Variants in ZNF195 observed in about 807,000 individuals in gnomAD.
ZNF195 encodes the protein zinc finger protein 195.
Under a neutral mutation model 19.5 loss-of-function variants are expected in ZNF195, and 11 were observed. The ratio of observed to expected loss-of-function variants is 0.57; its 90% CI spans 0.36 to 0.94. ZNF195 has a LOEUF of 0.94. Among genes scored for constraint, ZNF195 ranks in the 40% least tolerant of loss-of-function variants. ZNF195 has a pLI of 0.01. For synonymous variants in ZNF195, 214 were observed against 248.1 expected (o/e 0.86, Z 1.29); for missense variants, 582 against 709.0 (o/e 0.82, Z 2.03).
intron 1 of ZNF195, chr11:3,377,645 T>C (rs755859264): frequency 8.0e-7 from 1 of 1,246,730 alleles, no homozygotes. Context: ...GACCAGGAGA[T>C]TTCTCTCAGC....
At chr11:3,361,960 G>A (rs1485982316) in intron 3 of ZNF195, 71 bp from the exon 4 acceptor site, 2 of 422,344 alleles carry the variant, frequency 4.7e-6, no homozygotes, top group East Asian at 1.5e-4. Flanking sequence ...TCAGAAGGCT[G>A]GAGTGGGAGA....
rs376410431 is a variant in ZNF195, at chr11:3,359,909, A to G, written c.1099T>C (p.Ser367Pro). The G allele has an allele frequency of 1.4e-5, 22 of 1,614,102 alleles. No individual in the cohort carries two copies. The highest frequency in any genetic ancestry group is 1.8e-5 in the Non-Finnish European group (21 of 1,180,036). ...EECSSVFISCSSLSNQQMILA... is the reference protein window; with the variant it reads ...EECSSVFISCPSLSNQQMILA... ...ATCATCTGTTGATTAGAAAGGCTTGAGCAAGAGATAAAGACACTGCTGCAC... is the reference window on the plus strand; with the variant it reads ...ATCATCTGTTGATTAGAAAGGCTTGGGCAAGAGATAAAGACACTGCTGCAC... Residue 367 changes from serine (S) to proline (P), a missense_variant, in exon 6 of 6, where the codon TCA becomes CCA. Physicochemically the swap from Ser to Pro is moderately conservative, Grantham distance 74. Around this residue, in one of 3 missense-constraint regions of ZNF195, gnomAD observed 407 missense variants for 530.5 expected, o/e 0.77. Transcript: ENST00000399602. This position sits in a 1 kb window ranked among gnomAD's most constrained non-coding sequence, Gnocchi z 5.5.
At chr11:3,370,299 A>C (rs1377889634) in intron 3 of ZNF195, among the ~76,000 whole-genome samples, 1 of 152,206 alleles carries the variant, frequency 6.6e-6, no homozygotes, top group Non-Finnish European at 1.5e-5. Flanking sequence ...AAAAAGAAGA[A>C]ATTATAAAAT....
intron 1 of ZNF195, 119 bp downstream of exon 1, chr11:3,378,919 G>A: frequency 8.3e-7 from 1 of 1,209,924 alleles, no homozygotes; most frequent in Non-Finnish European, 1.1e-6. Flanking sequence ...TGCAGCTGGA[G>A]GGGCCTCGGG....
rs777187713 is a variant in ZNF195, at chr11:3,359,225, C to T, written c.1783G>A (p.Val595Ile). 1 of 1,614,022 alleles carries T rather than the reference C, an allele frequency of 6.2e-7. No individual in the cohort carries two copies. The highest frequency in any genetic ancestry group is 1.1e-5 in the South Asian group (1 of 91,060). Residue 595 changes from valine to isoleucine, a missense_variant, in exon 6 of 6, where the codon GTA becomes ATA. Val to Ile is a conservative substitution (Grantham distance 29). Transcript: ENST00000399602. The surrounding 1 kb of genome is among the most constrained non-coding windows in gnomAD (Gnocchi z 5.5). ...TCTCCAGTATGAATTCTCTTATGTA[C>T]AATAAGGTTTGAGGACTGGGTAAAG... ...KNFTQSSNLI[V>I]HKRIHTGEKP...
intron 3 of ZNF195, among the ~76,000 whole-genome samples, chr11:3,368,057 CAA>C (rs1464233823): frequency 1.4e-5 from 2 of 147,566 alleles, no homozygotes; most frequent in African/African-American, 5.1e-5. Flanking sequence ...GCCTGGGTAA[CAA>C]GAGCAAAACT....
chr11:3,371,943 A>T (rs1376120757), intron 1 of ZNF195, among the ~76,000 whole-genome samples: 1 of 152,238 alleles, frequency 6.6e-6, no homozygotes, highest in Non-Finnish European at 1.5e-5. Flanking sequence ...AGGCATGTCC[A>T]TTTTTGAGTG....
At position 3,361,875 on chromosome 11, in the gene ZNF195, G is replaced by A. The variant is rs1042325680; in HGVS notation, c.241C>T (p.His81Tyr). The change falls in exon 4 of 6, where the codon CAT (histidine) becomes TAT (tyrosine). Residue 81 changes from histidine (H) to tyrosine (Y), a missense_variant. By Grantham distance (83) the His-to-Tyr change is moderately conservative. Transcript: ENST00000399602. Reference protein sequence around the residue: ...ADGHPEMGFHHATQACLELLG... With the variant: ...ADGHPEMGFHYATQACLELLG... The stretch of plus-strand genomic sequence containing the variant: ...AGTTCAAGACAAGCCTGAGTAGCAT[G>A]GTGAAATCCCATCTCTACAGAAAAT... The A allele has an allele frequency of 8.7e-6, 4 of 462,290 alleles. No individual in the cohort carries two copies. The highest frequency in any genetic ancestry group is 1.7e-5 in the Non-Finnish European group (4 of 237,264). 28.6% of individuals were successfully genotyped at this position (462,290 alleles called of 1,614,324 possible). A position where few individuals can be genotyped will look rare whatever the true frequency, so the allele number is the denominator to read the frequency against.
intron 1 of ZNF195, among the ~76,000 whole-genome samples, chr11:3,372,087 C>T (rs1197229374): frequency 6.6e-6 from 1 of 152,154 alleles, no homozygotes; most frequent in Non-Finnish European, 1.5e-5. Context: ...AATCGGAGGT[C>T]AAGGCTGAGT....
In ZNF195 at chr11:3,379,051, C is replaced by T; in HGVS notation, c.-11G>A. 3 of 1,495,082 alleles carry T rather than the reference C, an allele frequency of 2.0e-6. No homozygotes were observed. The highest frequency in any genetic ancestry group is 2.7e-6 in the Non-Finnish European group (3 of 1,112,080). The allele number at this position is 1,495,082 out of a possible 1,614,324, so 92.6% of individuals were successfully genotyped here. ...CCCTACACTCACCATCTCCTGGCCT[C>T]CAGAGAGCCTGGCGTTTCACTTCTG... is the stretch of plus-strand genomic sequence containing the variant. On this transcript the variant is annotated 5_prime_UTR_variant, in exon 1 of 6. Transcript: ENST00000399602.
At chr11:3,378,234 C>T (rs1308332090) in intron 1 of ZNF195, among the ~76,000 whole-genome samples, 2 of 152,012 alleles carry the variant, frequency 1.3e-5, no homozygotes, top group Non-Finnish European at 1.5e-5. Flanking sequence ...TGATTGAACC[C>T]GGGAGGCAGA....
intron 1 of ZNF195, among the ~76,000 whole-genome samples, chr11:3,375,125 G>C (rs1160932388): frequency 8.5e-5 from 13 of 152,202 alleles, no homozygotes; most frequent in Admixed American, 8.5e-4. Context: ...TGTCGGAGGA[G>C]AGTCCAGGGT....
At chr11:3,362,157 C>T (rs544406904) in intron 3 of ZNF195, 77 of 272,648 alleles carry the variant, frequency 2.8e-4, no homozygotes, top group Middle Eastern at 1.8e-3. Flanking sequence ...CAGTGTCCTA[C>T]AAAATCATAA....
At chr11:3,378,997 G>T (rs781744852) in intron 1 of ZNF195, 41 bp downstream of exon 1, 44 of 1,390,880 alleles carry the variant, frequency 3.2e-5, no homozygotes, top group Non-Finnish European at 4.2e-5. Flanking sequence ...GTTCCAGTCC[G>T]CCCCTCCCTG....
At chr11:3,373,872 A>G (rs1849331156) in intron 1 of ZNF195, among the ~76,000 whole-genome samples, 1 of 152,234 alleles carries the variant, frequency 6.6e-6, no homozygotes, top group African/African-American at 2.4e-5. Flanking sequence ...AACAACAGCA[A>G]TTCTGCTTCA....
At chr11:3,372,761 T>C (rs1849279474) in intron 1 of ZNF195, among the ~76,000 whole-genome samples, 2 of 152,264 alleles carry the variant, frequency 1.3e-5, no homozygotes, top group African/African-American at 4.8e-5. Context: ...AGACTGAGTC[T>C]CACTCTGTAG....
chr11:3,372,688 C>A (rs1030844336), intron 1 of ZNF195, among the ~76,000 whole-genome samples: 3 of 101,650 alleles, frequency 3.0e-5, no homozygotes, highest in Non-Finnish European at 6.6e-5. Flanking sequence ...TATGTTCTGA[C>A]AAATATCTCC....
rs757191366 is a variant in ZNF195 at position 3,360,343 on chromosome 11, A to C, written c.665T>G (p.Val222Gly). 1 of 1,601,260 alleles carries C rather than the reference A, an allele frequency of 6.2e-7. No homozygotes were observed. The highest frequency in any genetic ancestry group is 1.1e-5 in the South Asian group (1 of 89,528). The change falls in exon 6 of 6, where the codon GTT (valine) becomes GGT (glycine). Residue 222 changes from valine to glycine, a missense_variant. Val to Gly is a moderately radical substitution (Grantham distance 109, BLOSUM62 -3). Coordinates refer to ENST00000399602, the MANE Select transcript of ZNF195 (RefSeq NM_001130520.3). ...ATTTGAAAAGTTATCAAAGATTTTA[A>C]CATATTTATTATATTGAAAGATTTT... is the stretch of plus-strand genomic sequence containing the variant. ...HSKIFQYNKY[V>G]KIFDNFSNLH...
chr11:3,363,347 A>G (rs2133679352), intron 3 of ZNF195: 1 of 152,322 alleles, frequency 6.6e-6, no homozygotes, highest in East Asian at 1.9e-4. Context: ...AGCAGGAGAC[A>G]CACTCTTCCC....
Sources: allele counts gnomAD v4.1 joint callset (sites outside exome capture counted in the v4.1 genomes callset), GRCh38; gene constraint gnomAD v4.1.1; regional missense constraint gnomAD v4.1.1; non-coding constraint Gnocchi (gnomAD v3.1); transcripts MANE v1.5; gene names NCBI Gene and HGNC (gene_info 2026-07-23, HGNC 2026-07-21).